Variants in RGSL1 observed in about 807,000 individuals in gnomAD.
RGSL1 encodes regulator of G protein signaling protein-like.
A neutral mutation model predicts 124.7 loss-of-function variants in RGSL1; 97 were observed. The observed-to-expected ratio is 0.78, with a 90% CI of 0.66 to 0.92. RGSL1 has a LOEUF of 0.92. RGSL1 is among the 40% of genes least tolerant of loss of function. The probability of loss-of-function intolerance (pLI) is 0.00; values close to 1 mark genes in which losing one functional copy is unlikely to be tolerated. For synonymous variants in RGSL1, 424 were observed against 438.1 expected (o/e 0.97, Z 0.40); for missense variants, 1,233 against 1,288.4 (o/e 0.96, Z 0.66).
intron 9 of RGSL1, among the ~76,000 whole-genome samples, chr1:182,517,396 A>G (rs1657980738): frequency 6.7e-6 from 1 of 149,746 alleles, no homozygotes; most frequent in Non-Finnish European, 1.5e-5. Context: ...ACCTTCCTGT[A>G]CCTGGATACT....
intron 8 of RGSL1, among the ~76,000 whole-genome samples, chr1:182,490,975 T>C (rs1270495051): frequency 1.4e-5 from 2 of 143,952 alleles, no homozygotes; most frequent in African/African-American, 2.6e-5. Context: ...ACTGCAGCCA[T>C]GACTTCCCAG....
chr1:182,450,052 A>C, upstream of RGSL1: 1 of 1,247,174 alleles, frequency 8.0e-7, no homozygotes, highest in Non-Finnish European at 1.1e-6. Context: ...TGCCAGATAG[A>C]ATCTGGAACC....
intron 6 of RGSL1, among the ~76,000 whole-genome samples, chr1:182,485,286 G>A (rs927641558): frequency 2.6e-5 from 4 of 152,158 alleles, no homozygotes; most frequent in Non-Finnish European, 5.9e-5. Flanking sequence ...GCTATCCTGA[G>A]TTTCTGTGTT....
intron 10 of RGSL1, among the ~76,000 whole-genome samples, chr1:182,524,933 G>C (rs1297216876): frequency 6.6e-6 from 1 of 152,054 alleles, no homozygotes; most frequent in Non-Finnish European, 1.5e-5. Flanking sequence ...AGACCGAAGA[G>C]GAACCCAGTT....
At chr1:182,458,064 G>C (rs935778601) in intron 2 of RGSL1, among the ~76,000 whole-genome samples, 1 of 152,236 alleles carries the variant, frequency 6.6e-6, no homozygotes, top group Non-Finnish European at 1.5e-5. Flanking sequence ...GTCGGCTCAG[G>C]CTCCACAGGA....
At chr1:182,525,102 G>A (rs652369) in intron 10 of RGSL1, among the ~76,000 whole-genome samples, 131,239 of 151,878 alleles carry the variant, frequency 0.86, 57,027 homozygotes, top group Non-Finnish European at 0.89. Flanking sequence ...TTAACAAAAA[G>A]CGAAACATAA....
chr1:182,451,343 G>A (rs1165096864), intron 1 of RGSL1, among the ~76,000 whole-genome samples: 1 of 115,560 alleles, frequency 8.7e-6, no homozygotes, highest in Non-Finnish European at 2.2e-5. Flanking sequence ...CTTGTTAATT[G>A]TAATAATGGA....
chr1:182,473,587 ACCTCT>A lies in RGSL1; in HGVS notation c.479_483del (p.Leu160HisfsTer10). 1.3e-6 allele frequency: 2 copies of A among 1,545,440 alleles called. No homozygotes were observed. The highest frequency in any genetic ancestry group is 1.7e-6 in the Non-Finnish European group (2 of 1,144,012). On this transcript the variant is annotated frameshift_variant, in exon 6 of 22. Transcript: ENST00000294854. LOFTEE classifies it high-confidence loss of function. ...GTATTATTTCCAGAGTCCCTCCTGA[ACCTCT>A]CCATCTGGCATCCCAACCAATCAAC...
chr1:182,463,366 T>C (rs1411376603), intron 4 of RGSL1, among the ~76,000 whole-genome samples: 1 of 151,742 alleles, frequency 6.6e-6, no homozygotes, highest in Non-Finnish European at 1.5e-5. Flanking sequence ...AGACAGAGAT[T>C]GGCAGAATAA....
At chr1:182,548,156 T>C (rs955619865) in intron 15 of RGSL1, among the ~76,000 whole-genome samples, 161 bp from the exon 16 acceptor site, 31 of 152,246 alleles carry the variant, frequency 2.0e-4, no homozygotes, top group African/African-American at 5.8e-4. Flanking sequence ...AAGTGCTCAG[T>C]ATTTGCCAAT....
intron 2 of RGSL1, among the ~76,000 whole-genome samples, chr1:182,454,606 G>A (rs1010527977): frequency 2.6e-5 from 4 of 151,856 alleles, no homozygotes; most frequent in African/African-American, 9.7e-5. Context: ...GTGTGTGTGT[G>A]TGTGTGTGTG....
intron 19 of RGSL1, among the ~76,000 whole-genome samples, chr1:182,554,243 T>C (rs1571724532): frequency 6.6e-6 from 1 of 152,336 alleles, no homozygotes; most frequent in East Asian, 1.9e-4. Flanking sequence ...CATTTGTACG[T>C]GTTTCCTCAT....
intron 9 of RGSL1, among the ~76,000 whole-genome samples, chr1:182,496,653 C>T (rs1283868468): frequency 3.3e-5 from 5 of 152,168 alleles, no homozygotes; most frequent in African/African-American, 4.8e-5. Flanking sequence ...GCTATTTATA[C>T]CAGAGCCTTA....
chr1:182,517,919 T>G (rs1449472991), intron 9 of RGSL1, among the ~76,000 whole-genome samples: 2 of 151,790 alleles, frequency 1.3e-5, no homozygotes, highest in Non-Finnish European at 3.0e-5. Flanking sequence ...ATTGTGGTTC[T>G]CTGTTTGCTC....
At chr1:182,480,803 A>G (rs773114730) in intron 6 of RGSL1, among the ~76,000 whole-genome samples, 7 of 152,174 alleles carry the variant, frequency 4.6e-5, no homozygotes, top group Non-Finnish European at 8.8e-5. Context: ...CTAGAAATCA[A>G]GAATAGAAAA....
chr1:182,473,478 A>T, intron 5 of RGSL1, 97 bp from the exon 6 acceptor site: 1 of 1,319,022 alleles, frequency 7.6e-7, no homozygotes, highest in Non-Finnish European at 1.0e-6. Flanking sequence ...AATGCTATAT[A>T]CAAAGACATT....
At chr1:182,483,502 T>C (rs1349792557) in intron 6 of RGSL1, among the ~76,000 whole-genome samples, 1 of 152,168 alleles carries the variant, frequency 6.6e-6, no homozygotes, top group African/African-American at 2.4e-5. Context: ...AAAATTCTCA[T>C]AATGTATATG....
intron 4 of RGSL1, among the ~76,000 whole-genome samples, chr1:182,466,797 A>T (rs1653369873): frequency 1.3e-5 from 2 of 152,300 alleles, no homozygotes; most frequent in South Asian, 4.1e-4. Context: ...AATCTCAATG[A>T]CATCTTTTGC....
chr1:182,550,571 G>A (rs1283863311), intron 17 of RGSL1: 1 of 152,424 alleles, frequency 6.6e-6, no homozygotes, highest in Non-Finnish European at 1.5e-5. Flanking sequence ...GGCTTCTAGA[G>A]AACATAAAGG....
Sources: allele counts gnomAD v4.1 joint callset (sites outside exome capture counted in the v4.1 genomes callset), GRCh38; gene constraint gnomAD v4.1.1; transcripts MANE v1.5; gene names NCBI Gene and HGNC (gene_info 2026-07-23, HGNC 2026-07-21).